LINGO2: variants seen among roughly 807,000 people sequenced by gnomAD.
The protein encoded by LINGO2 is leucine-rich repeat and immunoglobulin-like domain-containing nogo receptor-interacting protein 2.
In LINGO2, 14 loss-of-function variants were observed where a neutral mutation model predicts 30.6. That is an observed-to-expected ratio of 0.46 (90% CI 0.30 to 0.72). The LOEUF (loss-of-function observed/expected upper bound fraction) is 0.72. LINGO2 is among the 30% of genes least tolerant of loss of function. The pLI is 0.07. For synonymous variants in LINGO2, 317 were observed against 288.5 expected (o/e 1.10, Z -1.00); for missense variants, 729 against 751.7 (o/e 0.97, Z 0.35).
At chr9:29,127,823 C>T in the LINGO2 span, among the ~76,000 whole-genome samples, 1 of 152,118 alleles carries the variant, frequency 6.6e-6, no homozygotes, top group Non-Finnish European at 1.5e-5. Context: ...TTGGCAGTGG[C>T]AACTCGTCCA....
intron 4 of LINGO2, among the ~76,000 whole-genome samples, chr9:28,061,356 C>A (rs1267956353): frequency 6.6e-6 from 1 of 151,470 alleles, no homozygotes; most frequent in African/African-American, 2.4e-5. Flanking sequence ...ACACAATATA[C>A]CCATGTAACA....
chr9:28,481,598 T>A (rs993307993), intron 1 of LINGO2, among the ~76,000 whole-genome samples: 12 of 151,908 alleles, frequency 7.9e-5, no homozygotes, highest in Non-Finnish European at 1.5e-4. Context: ...CTCCTCTGTG[T>A]AAGTTTTATT....
intron 1 of LINGO2, among the ~76,000 whole-genome samples, chr9:28,507,212 A>AGTGTGT (rs74182511): frequency 0.034 from 5,068 of 148,916 alleles, 101 homozygotes; most frequent in Admixed American, 0.053. Flanking sequence ...ATTTCAGAGG[A>AGTGTGT]GTGTGTGTGT....
intron 5 of LINGO2, among the ~76,000 whole-genome samples, chr9:27,962,865 G>T (rs1234627640): frequency 2.0e-5 from 3 of 152,106 alleles, no homozygotes; most frequent in Non-Finnish European, 4.4e-5. Flanking sequence ...CATTAATTCT[G>T]ATCAAAGGGA....
At chr9:28,989,756 T>A in the LINGO2 span, among the ~76,000 whole-genome samples, 1 of 152,216 alleles carries the variant, frequency 6.6e-6, no homozygotes, top group Non-Finnish European at 1.5e-5. Context: ...ATATGTTGTT[T>A]CCCTGGAAGT....
At chr9:28,775,887 AAT>A in the LINGO2 span, among the ~76,000 whole-genome samples, 1 of 152,310 alleles carries the variant, frequency 6.6e-6, no homozygotes, top group African/African-American at 2.4e-5. Flanking sequence ...TGACATCTTT[AAT>A]GAGAATAATG....
At chr9:27,940,728 A>G in the LINGO2 span, 1 of 152,286 alleles carries the variant, frequency 6.6e-6, no homozygotes, top group African/African-American at 2.4e-5. Flanking sequence ...AAACAGAAAC[A>G]GAAACACAGA....
intron 1 of LINGO2, among the ~76,000 whole-genome samples, chr9:28,551,157 T>A (rs541461858): frequency 6.6e-6 from 1 of 151,672 alleles, no homozygotes; most frequent in Non-Finnish European, 1.5e-5. Context: ...TTAAAGCAAG[T>A]CTTGTATTAA....
chr9:29,042,882 T>C, the LINGO2 span, among the ~76,000 whole-genome samples: 20 of 151,868 alleles, frequency 1.3e-4, no homozygotes, highest in African/African-American at 4.3e-4. Flanking sequence ...GACAAAATTA[T>C]ACAAATGGAG....
chr9:29,051,555 C>T, the LINGO2 span, among the ~76,000 whole-genome samples: 1 of 152,108 alleles, frequency 6.6e-6, no homozygotes, highest in South Asian at 2.1e-4. Context: ...CTAAATCCTC[C>T]TCTGTTCCCT....
chr9:28,884,942 ATATAT>A, the LINGO2 span, among the ~76,000 whole-genome samples: 1 of 17,536 alleles, frequency 5.7e-5, no homozygotes, highest in Non-Finnish European at 1.6e-4. Context: ...TATATATAAT[ATATAT>A]AATATATAAT....
At chr9:28,199,344 C>CTTCTTCTTCTTCTT (rs74180792) in intron 4 of LINGO2, among the ~76,000 whole-genome samples, 7 of 117,660 alleles carry the variant, frequency 5.9e-5, no homozygotes, top group Non-Finnish European at 9.1e-5. Context: ...TCTTCTTCTT[C>CTTCTTCTTCTTCTT]TTTTTTTTTT....
chr9:28,549,463 T>C (rs1822154820), intron 1 of LINGO2, among the ~76,000 whole-genome samples: 1 of 151,958 alleles, frequency 6.6e-6, no homozygotes, highest in African/African-American at 2.4e-5. Flanking sequence ...GCTCAGTGGT[T>C]TACGTAGGGT....
chr9:28,125,398 A>G (rs905670301), intron 4 of LINGO2, among the ~76,000 whole-genome samples: 2 of 152,250 alleles, frequency 1.3e-5, no homozygotes, highest in Non-Finnish European at 2.9e-5. Context: ...ACTAAAAACA[A>G]AACTGCTTAT....
At chr9:28,971,694 T>G in the LINGO2 span, among the ~76,000 whole-genome samples, 1 of 152,240 alleles carries the variant, frequency 6.6e-6, no homozygotes, top group East Asian at 1.9e-4. Flanking sequence ...ATGGCACCTC[T>G]GGACTAACCA....
At chr9:28,333,486 A>G (rs1449267660) in intron 3 of LINGO2, among the ~76,000 whole-genome samples, 2 of 152,164 alleles carry the variant, frequency 1.3e-5, no homozygotes, top group East Asian at 1.9e-4. Flanking sequence ...TCAAGCCACA[A>G]TGGTAACTTG....
At chr9:28,189,694 AGGGAGGG>A (rs1819739791) in intron 4 of LINGO2, among the ~76,000 whole-genome samples, 1 of 55,100 alleles carries the variant, frequency 1.8e-5, no homozygotes, top group Non-Finnish European at 4.6e-5. Context: ...GGAGGAAGGA[AGGGAGGG>A]AGGAAGGAAG....
At chr9:28,448,596 C>G (rs769414568) in intron 2 of LINGO2, among the ~76,000 whole-genome samples, 3 of 151,962 alleles carry the variant, frequency 2.0e-5, no homozygotes, top group Non-Finnish European at 2.9e-5. Context: ...GAAGATGATC[C>G]AGATGCAGAT....
At chr9:28,837,401 T>A in the LINGO2 span, among the ~76,000 whole-genome samples, 17 of 151,868 alleles carry the variant, frequency 1.1e-4, no homozygotes, top group Non-Finnish European at 1.5e-4. Flanking sequence ...ATCTCAGCAC[T>A]TTGGGAGGCC....
Sources: gnomAD v4.1 joint callset for allele counts (sites outside exome capture counted in the v4.1 genomes callset) on GRCh38, gnomAD v4.1.1 for gene constraint, MANE v1.5 for transcripts, NCBI Gene and HGNC (gene_info 2026-07-23, HGNC 2026-07-21) for gene names.